Variants in PTPRT observed in about 807,000 individuals in gnomAD.
The protein encoded by PTPRT is protein tyrosine phosphatase receptor type T.
A neutral mutation model predicts 176.8 loss-of-function variants in PTPRT; 56 were observed. The observed-to-expected ratio is 0.32, with a 90% CI of 0.26 to 0.40. The LOEUF is 0.40. Ranked by LOEUF, PTPRT falls within the 10% of genes least tolerant of loss-of-function variation. The probability of loss-of-function intolerance (pLI) is 1.00; values close to 1 mark genes in which losing one functional copy is unlikely to be tolerated. For missense variants in PTPRT, 1,540 were observed against 1,908.2 expected (o/e 0.81, Z 3.60); for synonymous variants, 783 against 739.0 (o/e 1.06, Z -0.96).
chr20:42,755,750 A>G (rs1462949442), intron 6 of PTPRT, among the ~76,000 whole-genome samples: 1 of 152,208 alleles, frequency 6.6e-6, no homozygotes. Context: ...TTACATACAC[A>G]AAGGAAAGAA....
intron 1 of PTPRT, among the ~76,000 whole-genome samples, chr20:43,124,306 G>A (rs992486715): frequency 1.3e-5 from 2 of 152,164 alleles, no homozygotes; most frequent in African/African-American, 4.8e-5. Flanking sequence ...TCACAACCGA[G>A]CTTTGTAATC....
chr20:43,038,528 T>G (rs2425545), intron 1 of PTPRT, among the ~76,000 whole-genome samples: 48,411 of 152,070 alleles, frequency 0.32, 10,653 homozygotes, highest in African/African-American at 0.62. Context: ...TAATAAAATT[T>G]CAGGAGCATT....
At chr20:42,575,592 CA>C (rs778104423) in intron 7 of PTPRT, among the ~76,000 whole-genome samples, 1 of 152,180 alleles carries the variant, frequency 6.6e-6, no homozygotes, top group Non-Finnish European at 1.5e-5. Context: ...AAGGACCAGA[CA>C]GTAAACATTT....
chr20:42,311,505 C>G (rs931595797), intron 12 of PTPRT, among the ~76,000 whole-genome samples: 3 of 152,100 alleles, frequency 2.0e-5, no homozygotes, highest in Admixed American at 1.3e-4. Context: ...TAAATTATTC[C>G]ACCTGGCTCA....
chr20:42,302,314 G>C (rs901221524), intron 12 of PTPRT, among the ~76,000 whole-genome samples: 1 of 152,098 alleles, frequency 6.6e-6, no homozygotes, highest in Non-Finnish European at 1.5e-5. Flanking sequence ...ACAAAGCCCA[G>C]CATTATTTGA....
At chr20:42,802,558 C>T (rs941452844) in intron 2 of PTPRT, among the ~76,000 whole-genome samples, 1 of 152,226 alleles carries the variant, frequency 6.6e-6, no homozygotes, top group African/African-American at 2.4e-5. Context: ...TTACCATCCT[C>T]TAAGGAGCTA....
At chr20:42,964,869 AG>A (rs1197937681) in intron 1 of PTPRT, among the ~76,000 whole-genome samples, 1 of 152,234 alleles carries the variant, frequency 6.6e-6, no homozygotes, top group Non-Finnish European at 1.5e-5. Context: ...TAATCCAAAG[AG>A]GAACATATTT....
Position 42,191,195 on chromosome 20 carries a change from C to A in PTPRT, c.2491+8045G>T, listed in dbSNP as rs1990988659. Among the ~76,000 whole-genome samples the A allele has an allele frequency of 3.3e-5, 5 of 151,866 alleles. No individual in the cohort carries two copies. The South Asian group carries it at 8.3e-4, about 25-fold the overall frequency. ...AGAAATAAAAAAAAAAAAAATAGCC[C>A]TGTAGGCTTGGCAAGCAGGGTCAAA... On this transcript the variant is annotated intron_variant, in intron 16 of 30. Coordinates refer to ENST00000373187, the MANE Select transcript of PTPRT (RefSeq NM_007050.6).
At chr20:43,059,382 G>T (rs1158789510) in intron 1 of PTPRT, among the ~76,000 whole-genome samples, 1 of 152,080 alleles carries the variant, frequency 6.6e-6, no homozygotes, top group Non-Finnish European at 1.5e-5. Context: ...TCAACATTTT[G>T]CTTAGAAAGA....
chr20:42,938,241 A>C lies in PTPRT; in HGVS notation c.89-52309T>G, dbSNP rs539514861. 3.3e-5 allele frequency among the ~76,000 whole-genome samples: 5 copies of C among 152,228 alleles called. No homozygotes were observed. The South Asian group carries it at 8.3e-4, about 25-fold the overall frequency. ...CTCTACTGGACAGGATGGAATGTGC[A>C]TATCAGTATCTGTAACTCATAAAAC... On this transcript the variant is annotated intron_variant, in intron 1 of 30. Transcript: ENST00000373187.
chr20:43,181,371 G>C (rs1187894711), intron 1 of PTPRT, among the ~76,000 whole-genome samples: 1 of 152,174 alleles, frequency 6.6e-6, no homozygotes, highest in African/African-American at 2.4e-5. Flanking sequence ...TAGAACAGGA[G>C]TTGGGCCTAC....
chr20:42,361,911 G>A (rs1392334694), intron 9 of PTPRT, among the ~76,000 whole-genome samples: 1 of 152,138 alleles, frequency 6.6e-6, no homozygotes, highest in African/African-American at 2.4e-5. Context: ...AACACCATTT[G>A]TTCATTAGAC....
chr20:43,091,469 C>T (rs981312061), intron 1 of PTPRT, among the ~76,000 whole-genome samples: 1 of 129,372 alleles, frequency 7.7e-6, no homozygotes, highest in Admixed American at 7.2e-5. Flanking sequence ...TCCCCCCTCT[C>T]TTTCTCTCTC....
chr20:42,070,432 A>T (rs116839666), downstream of PTPRT, among the ~76,000 whole-genome samples: 416 of 151,988 alleles, frequency 2.7e-3, 1 homozygote, highest in African/African-American at 9.4e-3. Context: ...CAGTATCATC[A>T]GTCTCTCTCC....
intron 1 of PTPRT, among the ~76,000 whole-genome samples, chr20:42,979,984 G>T (rs796166534): frequency 6.0e-5 from 7 of 117,632 alleles, no homozygotes; most frequent in East Asian, 3.4e-4. Context: ...GGCCGGGAAG[G>T]GGGGGTGGGG....
intron 1 of PTPRT, among the ~76,000 whole-genome samples, chr20:43,165,757 T>C (rs1162522680): frequency 2.0e-5 from 3 of 152,166 alleles, no homozygotes; most frequent in African/African-American, 7.2e-5. Context: ...ATGGTCTGAC[T>C]TACGTTTTTA....
chr20:43,117,174 C>A (rs1436862773), intron 1 of PTPRT, among the ~76,000 whole-genome samples: 1 of 152,074 alleles, frequency 6.6e-6, no homozygotes, highest in Non-Finnish European at 1.5e-5. Context: ...TTGGCTTAAG[C>A]AAGTCACGTG....
At position 43,112,694 on chromosome 20, in the gene PTPRT, A is replaced by G. The variant is rs145637847; in HGVS notation, c.88+76952T>C. 1.3e-4 allele frequency among the ~76,000 whole-genome samples: 20 copies of G among 152,366 alleles called. No individual in the cohort carries two copies. The East Asian group carries it at 3.1e-3, about 23-fold the overall frequency. ...GCCCGGCTTCAAAAAGTTTTACTTCATGATTGAATCGAAACTCAAAAGTTG... is the reference window on the plus strand; with the variant it reads ...GCCCGGCTTCAAAAAGTTTTACTTCGTGATTGAATCGAAACTCAAAAGTTG... On this transcript the variant is annotated intron_variant, in intron 1 of 30. Transcript: ENST00000373187.
chr20:42,173,666 G>A (rs1423805324), intron 16 of PTPRT, among the ~76,000 whole-genome samples: 1 of 152,116 alleles, frequency 6.6e-6, no homozygotes, highest in Non-Finnish European at 1.5e-5. Context: ...TCTGTGGCTG[G>A]CCTTAACCAC....
Sources: gnomAD v4.1 joint callset for allele counts (sites outside exome capture counted in the v4.1 genomes callset) on GRCh38, gnomAD v4.1.1 for gene constraint, MANE v1.5 for transcripts, NCBI Gene and HGNC (gene_info 2026-07-23, HGNC 2026-07-21) for gene names.